PACS1: variants seen among roughly 807,000 people sequenced by gnomAD.
PACS1 encodes PACS-1.
Under a neutral mutation model 115.0 loss-of-function variants are expected in PACS1, and 24 were observed. That is an observed-to-expected ratio of 0.21 (90% CI 0.15 to 0.29). The LOEUF is 0.29. Among genes scored for constraint, PACS1 ranks in the 10% least tolerant of loss-of-function variants. The probability of loss-of-function intolerance (pLI) is 1.00; values close to 1 mark genes in which losing one functional copy is unlikely to be tolerated. For missense variants in PACS1, 838 were observed against 1,251.2 expected (o/e 0.67, Z 4.98); for synonymous variants, 453 against 504.5 (o/e 0.90, Z 1.37).
chr11:66,125,110 C>A (rs896164489), intron 1 of PACS1, among the ~76,000 whole-genome samples: 4 of 152,074 alleles, frequency 2.6e-5, no homozygotes, highest in Non-Finnish European at 5.9e-5. Context: ...ACAATAAATT[C>A]TTTTTAAAAA....
chr11:66,129,707 T>C (rs1405438925), intron 1 of PACS1, among the ~76,000 whole-genome samples: 1 of 152,074 alleles, frequency 6.6e-6, no homozygotes. Flanking sequence ...TTACCTGGCT[T>C]GTGCTGCATC....
At chr11:66,079,064 T>C (rs1383785938) in intron 1 of PACS1, among the ~76,000 whole-genome samples, 1 of 152,162 alleles carries the variant, frequency 6.6e-6, no homozygotes, top group Non-Finnish European at 1.5e-5. Flanking sequence ...CATACCACCA[T>C]GCCCGACTAA....
intron 10 of PACS1, among the ~76,000 whole-genome samples, chr11:66,224,387 G>C (rs1318487899): frequency 2.0e-5 from 3 of 152,150 alleles, no homozygotes; most frequent in Non-Finnish European, 4.4e-5. Flanking sequence ...TACAAGGTAC[G>C]TGTTAAAGCT....
intron 1 of PACS1, among the ~76,000 whole-genome samples, chr11:66,129,328 A>G (rs745924235): frequency 2.0e-4 from 31 of 151,748 alleles, no homozygotes; most frequent in Non-Finnish European, 3.5e-4. Context: ...GCTACTTAGG[A>G]AGTTGAGGCA....
chr11:66,153,685 G>A (rs936944814), intron 1 of PACS1, among the ~76,000 whole-genome samples: 43 of 152,158 alleles, frequency 2.8e-4, no homozygotes, highest in African/African-American at 1.0e-3. Context: ...GGGGGCTGAG[G>A]CAGGAGAATG....
chr11:66,178,335 AC>A (rs1859921397), intron 1 of PACS1, among the ~76,000 whole-genome samples: 2 of 152,284 alleles, frequency 1.3e-5, no homozygotes, highest in South Asian at 4.1e-4. Context: ...AGCTTCATGT[AC>A]ATGGAACCGT....
At chr11:66,232,868 C>T (rs1565157437) in intron 14 of PACS1, 92 bp from the exon 15 acceptor site, 1 of 919,030 alleles carries the variant, frequency 1.1e-6, no homozygotes. Flanking sequence ...AGGGGCCCTG[C>T]AGCTCGGTCT....
chr11:66,070,679 G>GCCTCCT lies in PACS1; in HGVS notation c.198_203dup (p.Ser70_Ser71dup). On this transcript the variant is annotated inframe_insertion, in exon 1 of 24. Transcript: ENST00000320580. The surrounding 1 kb of genome is among the most constrained non-coding windows in gnomAD (Gnocchi z 5.9). ...GTCCTCGTCCACCTCGGCGGCGGCT[G>GCCTCCT]CCTCCTCCTCGTCCTCGTCTACCTC... The GCCTCCT allele has an allele frequency of 6.3e-7, 1 of 1,576,026 alleles. No homozygotes were observed. Among genetic ancestry groups the GCCTCCT allele is most frequent in the Non-Finnish European group, 8.6e-7 (1 of 1,168,422 alleles).
chr11:66,229,297 G>A (rs1855533262), intron 11 of PACS1, among the ~76,000 whole-genome samples: 1 of 151,436 alleles, frequency 6.6e-6, no homozygotes, highest in African/African-American at 2.4e-5. Context: ...GCTGAGGTAA[G>A]ATAACCACTT....
At chr11:66,095,949 T>C (rs1387135619) in intron 1 of PACS1, among the ~76,000 whole-genome samples, 1 of 152,148 alleles carries the variant, frequency 6.6e-6, no homozygotes, top group East Asian at 1.9e-4. Flanking sequence ...TTTTTTAAAT[T>C]TTTGAGATAG....
chr11:66,161,299 A>T (rs1204684066), intron 1 of PACS1, among the ~76,000 whole-genome samples: 1 of 152,164 alleles, frequency 6.6e-6, no homozygotes, highest in African/African-American at 2.4e-5. Context: ...GCACTAAAAA[A>T]AAATTAGCCG....
intron 1 of PACS1, among the ~76,000 whole-genome samples, chr11:66,156,579 G>A (rs1859366488): frequency 6.6e-6 from 1 of 152,038 alleles, no homozygotes; most frequent in Non-Finnish European, 1.5e-5. Context: ...TTCCGGCTGG[G>A]CATGGTGGCT....
Position 66,070,939 on chromosome 11 carries a change from A to T in PACS1, c.356+97A>T, listed in dbSNP as rs1232957146. The T allele has an allele frequency of 8.3e-7, 1 of 1,204,846 alleles. No homozygotes were observed. The highest frequency in any genetic ancestry group is 1.1e-6 in the Non-Finnish European group (1 of 931,220). The allele number at this position is 1,204,846 out of a possible 1,614,324, so 74.6% of individuals were successfully genotyped here. ...AGCGCCCATGGGGTCCCCGCCCTCC[A>T]TCTCCCCGACTGTCCCGCGGCCCGG... On this transcript the variant is annotated intron_variant, in intron 1 of 23. Coordinates refer to ENST00000320580, the MANE Select transcript of PACS1 (RefSeq NM_018026.4). The surrounding 1 kb of genome is among the most constrained non-coding windows in gnomAD (Gnocchi z 5.9).
chr11:66,161,104 G>GT (rs1285735840), intron 1 of PACS1, among the ~76,000 whole-genome samples: 3 of 152,158 alleles, frequency 2.0e-5, no homozygotes, highest in African/African-American at 7.2e-5. Flanking sequence ...AGAGGTAAGT[G>GT]TATGTGTTTG....
intron 1 of PACS1, among the ~76,000 whole-genome samples, chr11:66,188,282 T>C (rs1473301731): frequency 1.3e-5 from 2 of 152,068 alleles, no homozygotes; most frequent in East Asian, 3.9e-4. Flanking sequence ...CTGTAGATTG[T>C]TTCCTTTGCT....
chr11:66,177,257 A>G (rs150050400), intron 1 of PACS1, among the ~76,000 whole-genome samples: 270 of 152,236 alleles, frequency 1.8e-3, no homozygotes, highest in African/African-American at 6.3e-3. Context: ...CCTCTCCCCA[A>G]ATTGAAAGTG....
At chr11:66,222,205 G>A (rs1035091445) in intron 10 of PACS1, among the ~76,000 whole-genome samples, 1 of 152,176 alleles carries the variant, frequency 6.6e-6, no homozygotes, top group Admixed American at 6.5e-5. Context: ...GAGTGGCCCT[G>A]CACCAGACTG....
chr11:66,182,268 T>C (rs1049761209), intron 1 of PACS1, among the ~76,000 whole-genome samples: 1 of 152,204 alleles, frequency 6.6e-6, no homozygotes, highest in African/African-American at 2.4e-5. Flanking sequence ...CTGAAAATTT[T>C]CTTAGAATCT....
chr11:66,241,901 T>C (rs1294311013), intron 22 of PACS1, among the ~76,000 whole-genome samples: 2 of 152,176 alleles, frequency 1.3e-5, no homozygotes, highest in Non-Finnish European at 2.9e-5. Context: ...CTTTAGGGGC[T>C]GAGGCAGCTG....
Sources: gnomAD v4.1 joint callset for allele counts (sites outside exome capture counted in the v4.1 genomes callset) on GRCh38, gnomAD v4.1.1 for gene constraint, Gnocchi (gnomAD v3.1) non-coding constraint, MANE v1.5 for transcripts, NCBI Gene and HGNC (gene_info 2026-07-23, HGNC 2026-07-21) for gene names.